GAS2: variants seen among roughly 807,000 people sequenced by gnomAD.
GAS2 encodes the protein growth arrest-specific protein 2.
GAS2 carries 20 observed loss-of-function variants against 37.5 expected under a neutral mutation model. The ratio of observed to expected loss-of-function variants is 0.53; its 90% CI spans 0.37 to 0.77. The LOEUF (loss-of-function observed/expected upper bound fraction) is 0.77. Ranked by LOEUF, GAS2 falls within the 30% of genes least tolerant of loss-of-function variation. The probability of loss-of-function intolerance (pLI) is 0.00; values close to 1 mark genes in which losing one functional copy is unlikely to be tolerated. For synonymous variants in GAS2, 144 were observed against 132.2 expected, an observed-to-expected ratio of 1.09 and a Z score of -0.61; for missense variants, 336 against 373.4, an observed-to-expected ratio of 0.90 and a Z score of 0.82.
chr11:22,675,312 C>G (rs750361866), intron 2 of GAS2, among the ~76,000 whole-genome samples: 13 of 152,132 alleles, frequency 8.5e-5, no homozygotes, highest in Non-Finnish European at 1.9e-4. Context: ...TTCTTTCATG[C>G]AGCTGACCAA....
At chr11:22,649,793 T>C (rs1317286801) in intron 1 of GAS2, among the ~76,000 whole-genome samples, 2 of 151,956 alleles carry the variant, frequency 1.3e-5, no homozygotes, top group Admixed American at 6.5e-5. Context: ...TTGCGTCTAT[T>C]TGATTCTTCT....
rs1851990817 is a variant in GAS2 at position 22,722,365 on chromosome 11, T to C, written c.268-3927T>C. Reference sequence around the variant, plus strand: ...GAGATAAAATCAGTAGTCTTGATATTATAAATTTTACTATTTATCCTGTTG... The same window carrying C: ...GAGATAAAATCAGTAGTCTTGATATCATAAATTTTACTATTTATCCTGTTG... On this transcript the variant is annotated intron_variant, in intron 3 of 7. Transcript: ENST00000454584. 3.9e-5 allele frequency among the ~76,000 whole-genome samples: 6 copies of C among 151,900 alleles called. No individual in the cohort carries two copies. In the South Asian group the frequency reaches 1.2e-3, roughly 31 times the overall value.
intron 1 of GAS2, among the ~76,000 whole-genome samples, chr11:22,656,800 G>C (rs779269029): frequency 1.3e-5 from 2 of 152,188 alleles, no homozygotes; most frequent in Admixed American, 6.5e-5. Flanking sequence ...GTGTGTGTGT[G>C]TGTGTCGAGG....
intron 1 of GAS2, among the ~76,000 whole-genome samples, chr11:22,631,517 G>T (rs936818929): frequency 6.6e-6 from 1 of 151,952 alleles, no homozygotes; most frequent in Non-Finnish European, 1.5e-5. Context: ...GTTTGTTGAG[G>T]TTTATGTCAT....
intron 1 of GAS2, among the ~76,000 whole-genome samples, chr11:22,646,739 A>G (rs1565064646): frequency 6.6e-6 from 1 of 152,128 alleles, no homozygotes. Context: ...AACCTACTTC[A>G]TACACCATCC....
Position 22,685,755 on chromosome 11 carries a change from T to G in GAS2, c.233T>G (p.Phe78Cys). 1 of 1,613,682 alleles carries G rather than the reference T, an allele frequency of 6.2e-7. No homozygotes were observed. The highest frequency in any genetic ancestry group is 1.1e-5 in the South Asian group (1 of 91,010). Residue 78 changes from phenylalanine to cysteine, a missense_variant, in exon 3 of 8, where the codon TTC becomes TGC. Phe to Cys is a radical substitution (Grantham distance 205, BLOSUM62 -2). Transcript: ENST00000454584. ...CTTGCAGAAACTATGCAGGAGAAAT[T>G]CAAGGAGAGCATGGATGCTAACAAG... ...CQLAETMQEK[F>C]KESMDANKPT...
At chr11:22,803,697 GA>G (rs1856763619) in intron 7 of GAS2, among the ~76,000 whole-genome samples, 1 of 152,068 alleles carries the variant, frequency 6.6e-6, no homozygotes, top group South Asian at 2.1e-4. Flanking sequence ...AGTATCAAAT[GA>G]AAAGAAGTAT....
intron 1 of GAS2, among the ~76,000 whole-genome samples, chr11:22,644,219 G>C (rs1278037208): frequency 6.6e-6 from 1 of 151,956 alleles, no homozygotes. Flanking sequence ...ACTTCCAGAC[G>C]TAATCTGAGT....
intron 7 of GAS2, among the ~76,000 whole-genome samples, chr11:22,790,199 C>A (rs1231938229): frequency 2.0e-5 from 3 of 152,154 alleles, no homozygotes; most frequent in African/African-American, 7.2e-5. Flanking sequence ...AATTGGAACA[C>A]TGAGAGAAGG....
rs558521087 is a variant in GAS2 at position 22,626,283 on chromosome 11, ACCT to A, written c.-21+474_-21+476del. Reference sequence around the variant, plus strand: ...AGAAACATGTACTAAAAATGTACTGACCTCCTATTAATGCCAGGCGCTATGCTG... The same window carrying A: ...AGAAACATGTACTAAAAATGTACTGACCTATTAATGCCAGGCGCTATGCTG... On this transcript the variant is annotated intron_variant, in intron 1 of 5. Coordinates refer to the GAS2 transcript ENST00000528582. The A allele has an allele frequency of 1.8e-4, 33 of 186,044 alleles. No individual in the cohort carries two copies. The East Asian group carries it at 4.1e-3, about 23-fold the overall frequency. 11.5% of individuals were successfully genotyped at this position (186,044 alleles called of 1,614,324 possible). A position where few individuals can be genotyped will look rare whatever the true frequency, so the allele number is the denominator to read the frequency against.
intron 4 of GAS2, among the ~76,000 whole-genome samples, chr11:22,737,468 G>A (rs1320364851): frequency 6.6e-6 from 1 of 152,116 alleles, no homozygotes; most frequent in East Asian, 1.9e-4. Flanking sequence ...GATTTCCGGG[G>A]TGAGAGTTCC....
chr11:22,727,475 C>A (rs1197149012), intron 4 of GAS2, among the ~76,000 whole-genome samples: 7 of 151,998 alleles, frequency 4.6e-5, no homozygotes, highest in Non-Finnish European at 8.8e-5. Flanking sequence ...TGAAATCTTA[C>A]TAATTTTATG....
intron 6 of GAS2, among the ~76,000 whole-genome samples, chr11:22,752,239 C>G (rs1186456293): frequency 6.6e-6 from 1 of 151,948 alleles, no homozygotes; most frequent in Non-Finnish European, 1.5e-5. Context: ...ATAATAAGAT[C>G]TTGTTTAACC....
chr11:22,638,526 A>G (rs1413865762), intron 1 of GAS2, among the ~76,000 whole-genome samples: 1 of 151,842 alleles, frequency 6.6e-6, no homozygotes, highest in East Asian at 1.9e-4. Flanking sequence ...TTGTATTTTT[A>G]GTGGAGACAG....
In GAS2 at chr11:22,763,916, G is replaced by A. The variant is rs551685522; in HGVS notation, c.723+7963G>A. 1.7e-4 allele frequency among the ~76,000 whole-genome samples: 26 copies of A among 152,222 alleles called. 1 individual carries two copies. Among genetic ancestry groups the A allele is most frequent in the Middle Eastern group, 3.4e-3 (1 of 294 alleles). On this transcript the variant is annotated intron_variant, in intron 7 of 7. Transcript: ENST00000454584. ...AAATGCAAGCAATAACATTTAAAATGTGTTCAAATGCTTTTAGCTTTTAAT... is the reference window on the plus strand; with the variant it reads ...AAATGCAAGCAATAACATTTAAAATATGTTCAAATGCTTTTAGCTTTTAAT...
chr11:22,786,368 A>G (rs1381295538), intron 7 of GAS2, among the ~76,000 whole-genome samples: 1 of 152,164 alleles, frequency 6.6e-6, no homozygotes, highest in Non-Finnish European at 1.5e-5. Context: ...AAGATTAACC[A>G]ATAAGATCAG....
chr11:22,761,814 G>A (rs1854408820), intron 7 of GAS2, among the ~76,000 whole-genome samples: 1 of 152,070 alleles, frequency 6.6e-6, no homozygotes, highest in South Asian at 2.1e-4. Flanking sequence ...AAAGTTCTAA[G>A]GTAATAAGCA....
chr11:22,697,910 T>C (rs1476586369), intron 3 of GAS2, among the ~76,000 whole-genome samples: 1 of 152,188 alleles, frequency 6.6e-6, no homozygotes, highest in East Asian at 1.9e-4. Context: ...TTTGACTTCC[T>C]CTTTTCCTAA....
At chr11:22,779,048 T>TTG (rs1329027017) in intron 7 of GAS2, among the ~76,000 whole-genome samples, 1 of 151,650 alleles carries the variant, frequency 6.6e-6, no homozygotes, top group African/African-American at 2.4e-5. Flanking sequence ...GTTTTTTGTT[T>TTG]TTTTTTTTTT....
Sources: gnomAD v4.1 joint callset for allele counts (sites outside exome capture counted in the v4.1 genomes callset) on GRCh38, gnomAD v4.1.1 for gene constraint, MANE v1.5 for transcripts, NCBI Gene and HGNC (gene_info 2026-07-23, HGNC 2026-07-21) for gene names.